DMD: variants seen among roughly 807,000 people sequenced by gnomAD.
The protein encoded by DMD is mutant dystrophin.
DMD carries 63 observed loss-of-function variants against 330.1 expected under a neutral mutation model. The ratio of observed to expected loss-of-function variants is 0.19; its 90% CI spans 0.16 to 0.24. DMD has a LOEUF of 0.24. Ranked by LOEUF, DMD falls within the 10% of genes least tolerant of loss-of-function variation. The pLI is 1.00. For missense variants in DMD, 3,344 were observed against 2,684.1 expected (o/e 1.25, Z -5.43); for synonymous variants, 1,223 against 959.8 (o/e 1.27, Z -5.07).
chrX:32,200,714 A>T (rs1416782350), intron 44 of DMD, among the ~76,000 whole-genome samples: 1 of 111,765 alleles, frequency 8.9e-6, no homozygotes, highest in Non-Finnish European at 1.9e-5. Flanking sequence ...TAATTTTAAC[A>T]TGCAATAAAT....
intron 1 of DMD, among the ~76,000 whole-genome samples, chrX:33,246,267 C>G (rs1442741811): frequency 8.9e-6 from 1 of 111,916 alleles, no homozygotes; most frequent in Non-Finnish European, 1.9e-5. Flanking sequence ...GTGCAGAACA[C>G]ACCTGGGCCT....
chrX:33,069,477 C>T (rs1381978363), intron 1 of DMD, among the ~76,000 whole-genome samples: 2 of 103,169 alleles, frequency 1.9e-5, no homozygotes, highest in African/African-American at 8.2e-5. Context: ...AATTCATATA[C>T]ACAGAAAACA....
chrX:32,496,134 C>G (rs1028891983), intron 19 of DMD, among the ~76,000 whole-genome samples: 1 of 112,053 alleles, frequency 8.9e-6, no homozygotes, highest in Non-Finnish European at 1.9e-5. Flanking sequence ...CATGCAAGTA[C>G]TTCAGAACTG....
chrX:31,679,964 C>CT (rs2082285477), intron 52 of DMD, among the ~76,000 whole-genome samples: 1 of 112,293 alleles, frequency 8.9e-6, no homozygotes, highest in Admixed American at 9.4e-5. Context: ...TGCCTGAAGG[C>CT]TTTCTGTTGC....
chrX:32,546,042 C>T (rs969567163), intron 16 of DMD, among the ~76,000 whole-genome samples: 1 of 107,102 alleles, frequency 9.3e-6, no homozygotes, highest in Non-Finnish European at 1.9e-5. Flanking sequence ...GGTTTAGAAT[C>T]TCAATTACCT....
intron 16 of DMD, among the ~76,000 whole-genome samples, chrX:32,551,802 T>A (rs2049591598): frequency 8.9e-6 from 1 of 111,807 alleles, no homozygotes; most frequent in Non-Finnish European, 1.9e-5. Context: ...AAAATCAATG[T>A]ATAAATATCA....
intron 63 of DMD, among the ~76,000 whole-genome samples, chrX:31,239,136 C>A (rs1310814117): frequency 9.0e-6 from 1 of 111,723 alleles, no homozygotes; most frequent in African/African-American, 3.3e-5. Context: ...ACATTTCATT[C>A]CAAATTGTAT....
At chrX:31,511,339 A>AT (rs1432860034) in intron 55 of DMD, among the ~76,000 whole-genome samples, 1 of 81,113 alleles carries the variant, frequency 1.2e-5, no homozygotes, top group African/African-American at 4.8e-5. Flanking sequence ...TTTATTTATT[A>AT]TTATTATTAT....
At chrX:32,003,976 C>A (rs1462561992) in intron 44 of DMD, among the ~76,000 whole-genome samples, 1 of 111,238 alleles carries the variant, frequency 9.0e-6, no homozygotes, top group Non-Finnish European at 1.9e-5. Flanking sequence ...ATGATTTAAA[C>A]TTGTATAGTA....
At chrX:32,236,578 G>C (rs183447093) in intron 43 of DMD, among the ~76,000 whole-genome samples, 1 of 111,246 alleles carries the variant, frequency 9.0e-6, no homozygotes, top group African/African-American at 3.3e-5. Context: ...TGCTGTTCTC[G>C]TGATAGTAAA....
intron 43 of DMD, among the ~76,000 whole-genome samples, chrX:32,245,246 A>C: frequency 1.1e-5 from 1 of 88,278 alleles, no homozygotes; most frequent in East Asian, 5.1e-4. Flanking sequence ...TGTTTTCCTC[A>C]GGTTTGTCAA....
chrX:32,634,737 G>A (rs1306901094), intron 11 of DMD, among the ~76,000 whole-genome samples: 1 of 111,781 alleles, frequency 8.9e-6, no homozygotes, highest in Admixed American at 9.5e-5. Context: ...TCTCTTTCTT[G>A]TCTCCTCTCT....
intron 74 of DMD, among the ~76,000 whole-genome samples, chrX:31,153,831 C>G (rs2037754847): frequency 8.9e-6 from 1 of 112,124 alleles, no homozygotes; most frequent in Non-Finnish European, 1.9e-5. Context: ...TCCTGAAGCT[C>G]TGAGATAGGA....
chrX:31,142,218 A>C (rs780453770), intron 76 of DMD, among the ~76,000 whole-genome samples: 15 of 112,143 alleles, frequency 1.3e-4, no homozygotes, highest in African/African-American at 4.8e-4. Flanking sequence ...TGAGCATGAT[A>C]ATTGTGCTTA....
intron 44 of DMD, among the ~76,000 whole-genome samples, chrX:32,051,261 C>A (rs1198353293): frequency 9.1e-6 from 1 of 110,288 alleles, no homozygotes; most frequent in Non-Finnish European, 1.9e-5. Context: ...TATGAAGAGA[C>A]AAAGTTTAAT....
intron 2 of DMD, among the ~76,000 whole-genome samples, chrX:32,991,249 A>AGGATTTGAT (rs111370261): frequency 0.42 from 45,928 of 108,950 alleles, 7,431 homozygotes; most frequent in Non-Finnish European, 0.49. Flanking sequence ...AAAAAAATCA[A>AGGATTTGAT]GGATTTGATT....
rs141680718 is a variant in DMD at position 31,212,845 on chromosome X, T to C, written c.9362-3146A>G. ...TGACTTTACAGAACAGGAAAACCAT[T>C]CTGCATTCCATGCTAATGACAACAG... On this transcript the variant is annotated intron_variant, in intron 64 of 78. Transcript: ENST00000357033. Among the ~76,000 whole-genome samples, 232 of 111,722 alleles carry C rather than the reference T, an allele frequency of 2.1e-3. 3 individuals carry two copies. In the East Asian group the frequency reaches 0.057, roughly 27 times the overall value.
chrX:31,512,438 G>T, intron 55 of DMD, among the ~76,000 whole-genome samples: 1 of 102,203 alleles, frequency 9.8e-6, no homozygotes, highest in Non-Finnish European at 2.0e-5. Flanking sequence ...GTAATGCCTA[G>T]GTTTTCTTCT....
At chrX:32,074,273 C>G (rs142502469) in intron 44 of DMD, among the ~76,000 whole-genome samples, 1 of 111,469 alleles carries the variant, frequency 9.0e-6, no homozygotes, top group Non-Finnish European at 1.9e-5. Context: ...TCCCCGAACC[C>G]TAGTGCATGG....
Sources: allele counts gnomAD v4.1 joint callset (sites outside exome capture counted in the v4.1 genomes callset), GRCh38; gene constraint gnomAD v4.1.1; transcripts MANE v1.5; gene names NCBI Gene and HGNC (gene_info 2026-07-23, HGNC 2026-07-21).